The following LYPLAL1 variants were observed in gnomAD, a reference collection of about 807,000 sequenced individuals.
LYPLAL1 encodes the protein lysophospholipase-like protein 1.
A neutral mutation model predicts 19.7 loss-of-function variants in LYPLAL1; 23 were observed. The observed-to-expected ratio is 1.17, with a 90% CI of 0.84 to 1.65. The LOEUF is 1.65. LYPLAL1 is among the 40% of genes most tolerant of loss of function. LYPLAL1 has a pLI of 0.00. For missense variants in LYPLAL1, 355 were observed against 279.4 expected, an observed-to-expected ratio of 1.27 and a Z score of -1.93; for synonymous variants, 119 against 96.3, an observed-to-expected ratio of 1.24 and a Z score of -1.38.
chr1:219,428,206 T>G, the LYPLAL1 span, among the ~76,000 whole-genome samples: 1 of 152,234 alleles, frequency 6.6e-6, no homozygotes, highest in Admixed American at 6.5e-5. Context: ...AATCCATGTG[T>G]TCCTGATCTA....
At chr1:219,257,353 G>GTTTT in the LYPLAL1 span, among the ~76,000 whole-genome samples, 13 of 132,610 alleles carry the variant, frequency 9.8e-5, 3 homozygotes, top group African/African-American at 1.1e-4. Context: ...ATCCATACCA[G>GTTTT]TTTTTGTTTT....
the LYPLAL1 span, among the ~76,000 whole-genome samples, chr1:219,294,290 T>G: frequency 2.0e-5 from 3 of 152,200 alleles, no homozygotes; most frequent in African/African-American, 7.2e-5. Context: ...CCTTACTCAA[T>G]TAGTCAAGGA....
At chr1:219,195,869 T>C (rs1057268831) in intron 3 of LYPLAL1, among the ~76,000 whole-genome samples, 3 of 152,014 alleles carry the variant, frequency 2.0e-5, no homozygotes, top group Admixed American at 2.0e-4. Context: ...CAGGCCCCAG[T>C]GTGTGTTATT....
At chr1:219,337,516 A>G in the LYPLAL1 span, among the ~76,000 whole-genome samples, 1 of 152,042 alleles carries the variant, frequency 6.6e-6, no homozygotes, top group African/African-American at 2.4e-5. Flanking sequence ...GAGATTTGCA[A>G]GTAAGTAGAC....
chr1:219,243,628 T>A, the LYPLAL1 span, among the ~76,000 whole-genome samples: 6 of 151,678 alleles, frequency 4.0e-5, no homozygotes, highest in Non-Finnish European at 5.9e-5. Flanking sequence ...TAAAAAAAAA[T>A]TTAAAAAAGG....
At chr1:219,247,730 T>C in the LYPLAL1 span, among the ~76,000 whole-genome samples, 1 of 152,334 alleles carries the variant, frequency 6.6e-6, no homozygotes, top group South Asian at 2.1e-4. Context: ...CCATGTTTAT[T>C]CAAGAATATG....
At chr1:219,259,967 A>G in the LYPLAL1 span, among the ~76,000 whole-genome samples, 1 of 152,106 alleles carries the variant, frequency 6.6e-6, no homozygotes, top group South Asian at 2.1e-4. Context: ...AATATTAACA[A>G]TTTGAAGTTT....
the LYPLAL1 span, among the ~76,000 whole-genome samples, chr1:219,233,272 C>T: frequency 6.6e-6 from 1 of 152,056 alleles, no homozygotes; most frequent in Non-Finnish European, 1.5e-5. Flanking sequence ...AAAAGGACAA[C>T]CACTTATTTG....
chr1:219,397,694 A>G, the LYPLAL1 span, among the ~76,000 whole-genome samples: 3 of 152,178 alleles, frequency 2.0e-5, no homozygotes, highest in African/African-American at 7.2e-5. Context: ...GCTGGTAACA[A>G]TCTTTCCTTT....
intron 3 of LYPLAL1, among the ~76,000 whole-genome samples, chr1:219,196,510 G>C (rs752381082): frequency 9.2e-5 from 14 of 151,984 alleles, no homozygotes; most frequent in Non-Finnish European, 1.6e-4. Context: ...TGTCTGAAGA[G>C]TCATTTATGA....
the LYPLAL1 span, among the ~76,000 whole-genome samples, chr1:219,355,538 G>C: frequency 2.0e-5 from 3 of 152,068 alleles, no homozygotes; most frequent in East Asian, 1.9e-4. Flanking sequence ...TGGCTAACTA[G>C]CTTTATTATT....
the LYPLAL1 span, chr1:219,225,221 A>G: frequency 6.6e-6 from 1 of 152,254 alleles, no homozygotes; most frequent in East Asian, 1.9e-4. Flanking sequence ...ACCAGGCATA[A>G]TATGTTCAAA....
chr1:219,334,017 A>T, the LYPLAL1 span, among the ~76,000 whole-genome samples: 1 of 152,094 alleles, frequency 6.6e-6, no homozygotes, highest in African/African-American at 2.4e-5. Context: ...AACATTTCTA[A>T]TGTAAAATGT....
rs1000789252 is a variant in LYPLAL1 at position 219,211,440 on chromosome 1, G to T, written c.478-52G>T. On this transcript the variant is annotated intron_variant, in intron 4 of 4. Transcript: ENST00000366928. Reference sequence around the variant, plus strand: ...CCTGTTCTCTCTGATTTCTAAGAATGATCTTAAATGGAATTTCTTAAACTT... The same window carrying T: ...CCTGTTCTCTCTGATTTCTAAGAATTATCTTAAATGGAATTTCTTAAACTT... The T allele has an allele frequency of 4.3e-6, 5 of 1,173,546 alleles. No individual in the cohort carries two copies. The African/African-American group carries it at 6.2e-5, about 15-fold the overall frequency. 72.7% of individuals were successfully genotyped at this position (1,173,546 alleles called of 1,614,324 possible). A position where few individuals can be genotyped will look rare whatever the true frequency, so the allele number is the denominator to read the frequency against.
chr1:219,201,540 A>T (rs1052445654), intron 3 of LYPLAL1, among the ~76,000 whole-genome samples: 5 of 151,810 alleles, frequency 3.3e-5, no homozygotes, highest in African/African-American at 9.7e-5. Flanking sequence ...TTGACTTATG[A>T]AATTATAAAA....
chr1:219,334,511 A>T, the LYPLAL1 span, among the ~76,000 whole-genome samples: 2 of 137,658 alleles, frequency 1.5e-5, no homozygotes, highest in Non-Finnish European at 3.1e-5. Context: ...TTCTGACCCA[A>T]TCATAATGAA....
At chr1:219,192,167 G>T (rs1205813015) in intron 2 of LYPLAL1, among the ~76,000 whole-genome samples, 1 of 151,632 alleles carries the variant, frequency 6.6e-6, no homozygotes, top group Non-Finnish European at 1.5e-5. Flanking sequence ...AATATGCTGA[G>T]GTTCTACTTG....
the LYPLAL1 span, among the ~76,000 whole-genome samples, chr1:219,431,111 C>A: frequency 0.25 from 38,712 of 152,040 alleles, 5,053 homozygotes; most frequent in Non-Finnish European, 0.28. Context: ...TTTCGCAAAA[C>A]TATAATGTGC....
the LYPLAL1 span, among the ~76,000 whole-genome samples, chr1:219,365,019 G>T: frequency 6.6e-6 from 1 of 152,024 alleles, no homozygotes; most frequent in African/African-American, 2.4e-5. Context: ...AGTTACATCA[G>T]ATTTTTTTAA....
Sources: gnomAD v4.1 joint callset for allele counts (sites outside exome capture counted in the v4.1 genomes callset) on GRCh38, gnomAD v4.1.1 for gene constraint, MANE v1.5 for transcripts, NCBI Gene and HGNC (gene_info 2026-07-23, HGNC 2026-07-21) for gene names.